The following TMEM132C variants were observed in gnomAD, a reference collection of about 807,000 sequenced individuals.
TMEM132C encodes transmembrane protein 132C, also known as protein phosphatase 1, regulatory subunit 152.
A neutral mutation model predicts 61.4 loss-of-function variants in TMEM132C; 29 were observed. The ratio of observed to expected loss-of-function variants is 0.47; its 90% confidence interval spans 0.35 to 0.64. TMEM132C has a LOEUF of 0.64. TMEM132C is among the 30% of genes least tolerant of loss of function. TMEM132C has a pLI of 0.00. For missense variants in TMEM132C, 1,408 were observed against 1,476.9 expected (o/e 0.95, Z 0.76); for synonymous variants, 656 against 633.1 (o/e 1.04, Z -0.54).
At chr12:128,692,249 T>G (rs541873211) in intron 5 of TMEM132C, among the ~76,000 whole-genome samples, 2 of 152,368 alleles carry the variant, frequency 1.3e-5, no homozygotes, top group South Asian at 4.1e-4. Flanking sequence ...AGTGTGTGCA[T>G]TCATCCATCT....
chr12:128,373,720 G>A (rs1029074950), intron 1 of TMEM132C, among the ~76,000 whole-genome samples: 1 of 152,198 alleles, frequency 6.6e-6, no homozygotes, highest in African/African-American at 2.4e-5. Flanking sequence ...TTTGGGGGAT[G>A]GGGAAGGAGG....
chr12:128,300,635 G>A (rs1003221111), intron 1 of TMEM132C, among the ~76,000 whole-genome samples: 7 of 152,116 alleles, frequency 4.6e-5, no homozygotes, highest in Non-Finnish European at 8.8e-5. Context: ...CTAAGAACCA[G>A]GGGTGGACAC....
chr12:128,531,584 T>G (rs7976554), intron 2 of TMEM132C, among the ~76,000 whole-genome samples: 5 of 152,096 alleles, frequency 3.3e-5, no homozygotes, highest in Non-Finnish European at 7.4e-5. Flanking sequence ...CACATGCGTG[T>G]GCACACACAC....
At chr12:128,482,035 A>T (rs1421659528) in intron 2 of TMEM132C, among the ~76,000 whole-genome samples, 2 of 152,212 alleles carry the variant, frequency 1.3e-5, no homozygotes, top group Non-Finnish European at 2.9e-5. Context: ...TTGGTCTGTC[A>T]TAAGTAGCTC....
chr12:128,349,673 C>G (rs1038352925), intron 1 of TMEM132C, among the ~76,000 whole-genome samples: 4 of 152,150 alleles, frequency 2.6e-5, no homozygotes, highest in African/African-American at 9.7e-5. Flanking sequence ...TACATACCAT[C>G]AAAGCAGGCT....
intron 2 of TMEM132C, among the ~76,000 whole-genome samples, chr12:128,543,511 T>C (rs55989908): frequency 0.12 from 18,801 of 152,086 alleles, 1,739 homozygotes; most frequent in African/African-American, 0.27. Context: ...GCAGGCTGTT[T>C]AGCTACGTTC....
intron 5 of TMEM132C, among the ~76,000 whole-genome samples, chr12:128,693,149 G>A (rs1282888196): frequency 2.6e-5 from 4 of 152,160 alleles, no homozygotes; most frequent in African/African-American, 4.8e-5. Context: ...CCTGGGGACC[G>A]TGAAGAACCT....
At chr12:128,685,828 T>G (rs1593148049) in intron 5 of TMEM132C, among the ~76,000 whole-genome samples, 1 of 152,342 alleles carries the variant, frequency 6.6e-6, no homozygotes, top group East Asian at 1.9e-4. Context: ...TGTCCATGCC[T>G]TGGTTTTCTC....
chr12:128,443,472 T>C (rs567627212), intron 2 of TMEM132C, among the ~76,000 whole-genome samples: 2 of 152,336 alleles, frequency 1.3e-5, no homozygotes, highest in Non-Finnish European at 2.9e-5. Context: ...TTTTAAAGTT[T>C]TTAAATTTAG....
intron 2 of TMEM132C, among the ~76,000 whole-genome samples, chr12:128,538,530 A>G (rs550126706): frequency 6.6e-6 from 1 of 152,330 alleles, no homozygotes; most frequent in Admixed American, 6.5e-5. Context: ...CTGGGATTAC[A>G]AGTGTGAGCC....
intron 1 of TMEM132C, among the ~76,000 whole-genome samples, chr12:128,342,069 C>A (rs1872992797): frequency 6.6e-6 from 1 of 151,566 alleles, no homozygotes; most frequent in Non-Finnish European, 1.5e-5. Flanking sequence ...AGTGCAGTGG[C>A]ATGATCTCAG....
intron 3 of TMEM132C, among the ~76,000 whole-genome samples, chr12:128,593,417 C>G (rs1875829970): frequency 6.6e-6 from 1 of 152,200 alleles, no homozygotes; most frequent in Non-Finnish European, 1.5e-5. Context: ...CTGGTCCTTT[C>G]CACTCTCCAG....
chr12:128,676,344 A>G (rs770793736), intron 5 of TMEM132C, among the ~76,000 whole-genome samples: 1 of 150,588 alleles, frequency 6.6e-6, no homozygotes, highest in Non-Finnish European at 1.5e-5. Flanking sequence ...AGCAAGGATA[A>G]CTATACAAGT....
intron 5 of TMEM132C, among the ~76,000 whole-genome samples, chr12:128,681,970 C>T (rs1369407132): frequency 6.6e-6 from 1 of 151,946 alleles, no homozygotes; most frequent in Non-Finnish European, 1.5e-5. Flanking sequence ...GTGCCCGGCC[C>T]AGATGGTATC....
intron 3 of TMEM132C, among the ~76,000 whole-genome samples, chr12:128,614,925 C>T (rs1876749555): frequency 6.6e-6 from 1 of 152,182 alleles, no homozygotes; most frequent in Non-Finnish European, 1.5e-5. Flanking sequence ...GTGGAAACAC[C>T]ACTGTCACCC....
In TMEM132C at chr12:128,706,635, G is replaced by C; in HGVS notation, c.*340G>C. 1 of 197,530 alleles carries C rather than the reference G, an allele frequency of 5.1e-6. No homozygotes were observed. The highest frequency in any genetic ancestry group is 1.0e-5 in the Non-Finnish European group (1 of 98,414). The allele number at this position is 197,530 out of a possible 1,614,324, so 12.2% of individuals were successfully genotyped here. A position where few individuals can be genotyped will look rare whatever the true frequency, so the allele number is the denominator to read the frequency against. ...AATTATTTGTTAAAAAATGCAACAA[G>C]ACAAATAAAAAGAGAAATAATCATC... On this transcript the variant is annotated 3_prime_UTR_variant, in exon 9 of 9. Transcript: ENST00000435159.
intron 2 of TMEM132C, among the ~76,000 whole-genome samples, chr12:128,462,504 A>T (rs894806916): frequency 5.3e-5 from 8 of 152,140 alleles, no homozygotes; most frequent in Admixed American, 5.2e-4. Flanking sequence ...GTTTTCCCAA[A>T]ATTGTTTGTA....
chr12:128,344,571 A>G (rs1239890831), intron 1 of TMEM132C, among the ~76,000 whole-genome samples: 2 of 152,154 alleles, frequency 1.3e-5, no homozygotes, highest in Non-Finnish European at 2.9e-5. Flanking sequence ...AAGTTGCTAC[A>G]CTATAGAGCC....
At chr12:128,605,563 C>T (rs1378168307) in intron 3 of TMEM132C, among the ~76,000 whole-genome samples, 1 of 152,184 alleles carries the variant, frequency 6.6e-6, no homozygotes, top group East Asian at 1.9e-4. Context: ...AAAATTAACC[C>T]TCACAGAGAC....
Sources: allele counts gnomAD v4.1 joint callset (sites outside exome capture counted in the v4.1 genomes callset), GRCh38; gene constraint gnomAD v4.1.1; transcripts MANE v1.5; gene names NCBI Gene and HGNC (gene_info 2026-07-23, HGNC 2026-07-21).